The following ABCG2 variants were observed in gnomAD, a reference collection of about 807,000 sequenced individuals.
ABCG2 encodes broad substrate specificity ATP-binding cassette transporter ABCG2.
ABCG2 carries 80 observed loss-of-function variants against 73.5 expected under a neutral mutation model. The ratio of observed to expected loss-of-function variants is 1.09; its 90% CI spans 0.91 to 1.31. The LOEUF (loss-of-function observed/expected upper bound fraction) is 1.31, where lower values mean the gene tolerates loss of function less well. Ranked by LOEUF, ABCG2 falls within the 50% of genes most tolerant of loss-of-function variation. The probability of loss-of-function intolerance (pLI) is 0.00; values close to 1 mark genes in which losing one functional copy is unlikely to be tolerated. For synonymous variants in ABCG2, 269 were observed against 282.4 expected (o/e 0.95, Z 0.48); for missense variants, 796 against 786.2 (o/e 1.01, Z -0.15).
At chr4:88,208,594 G>A (rs952125739) in intron 1 of ABCG2, among the ~76,000 whole-genome samples, 2 of 152,206 alleles carry the variant, frequency 1.3e-5, no homozygotes, top group Non-Finnish European at 2.9e-5. Flanking sequence ...GGGACACTGT[G>A]AAGCAACTTC....
chr4:88,137,199 C>T (rs1725317301), intron 2 of ABCG2, among the ~76,000 whole-genome samples: 2 of 151,906 alleles, frequency 1.3e-5, no homozygotes, highest in Non-Finnish European at 2.9e-5. Flanking sequence ...AATACAAATC[C>T]CTGACTCTAT....
At chr4:88,113,005 G>A (rs1377295089) in intron 9 of ABCG2, among the ~76,000 whole-genome samples, 1 of 152,138 alleles carries the variant, frequency 6.6e-6, no homozygotes. Flanking sequence ...AGCTATTCAA[G>A]AGGCTGAGGT....
In ABCG2 at chr4:88,217,673, A is replaced by G. The variant is rs528562487; in HGVS notation, c.-20+13321T>C. On this transcript the variant is annotated intron_variant, in intron 1 of 15. Coordinates refer to the ABCG2 transcript ENST00000515655. ...TGAGACCCTGCCTCAAAAAAAAAAA[A>G]GAATGCATGGATGCATGGGACTAAA... Among the ~76,000 whole-genome samples the G allele has an allele frequency of 8.0e-4, 120 of 149,702 alleles. 4 individuals are homozygous for G. In the South Asian group the frequency reaches 0.023, roughly 29 times the overall value.
chr4:88,207,900 C>T (rs910704521), intron 1 of ABCG2, among the ~76,000 whole-genome samples: 1 of 152,068 alleles, frequency 6.6e-6, no homozygotes, highest in African/African-American at 2.4e-5. Context: ...TTTTTGTTGG[C>T]TGAAAAGTCT....
intron 1 of ABCG2, among the ~76,000 whole-genome samples, chr4:88,180,845 A>G (rs916500509): frequency 2.6e-5 from 4 of 152,182 alleles, no homozygotes; most frequent in African/African-American, 9.7e-5. Context: ...ACTGGTAATA[A>G]TAAGTACACA....
intron 1 of ABCG2, among the ~76,000 whole-genome samples, chr4:88,228,613 G>A (rs1012425546): frequency 6.6e-6 from 1 of 152,230 alleles, no homozygotes; most frequent in Non-Finnish European, 1.5e-5. Flanking sequence ...TCAAACAGAA[G>A]CGATTCCTGT....
intron 5 of ABCG2, among the ~76,000 whole-genome samples, chr4:88,124,009 C>A (rs1278789808): frequency 6.6e-6 from 1 of 152,136 alleles, no homozygotes; most frequent in African/African-American, 2.4e-5. Flanking sequence ...GACCAATATT[C>A]AAAATTCTTA....
intron 1 of ABCG2, among the ~76,000 whole-genome samples, chr4:88,174,156 T>C (rs1371413031): frequency 1.3e-5 from 2 of 152,098 alleles, no homozygotes; most frequent in Admixed American, 1.3e-4. Flanking sequence ...GTGTTTTTTT[T>C]TTTTCTTTTT....
At chr4:88,132,718 A>G in intron 2 of ABCG2, 83 bp from the exon 3 acceptor site, 3 of 1,399,012 alleles carry the variant, frequency 2.1e-6, no homozygotes, top group East Asian at 2.3e-5. Flanking sequence ...AATATACTCA[A>G]TGAAGGTTGA....
upstream of ABCG2, chr4:88,159,190 T>A (rs1296878501): frequency 1.3e-5 from 6 of 456,218 alleles, no homozygotes; most frequent in Non-Finnish European, 2.6e-5. Context: ...AGGCGCTCAT[T>A]GGGCTGATCA....
chr4:88,125,783 T>C (rs3109824), intron 5 of ABCG2, among the ~76,000 whole-genome samples: 1 of 151,750 alleles, frequency 6.6e-6, no homozygotes, highest in Non-Finnish European at 1.5e-5. Flanking sequence ...ACTAAAGCAG[T>C]GTTTAGAGGG....
At chr4:88,155,077 G>A (rs184839813) in intron 1 of ABCG2, among the ~76,000 whole-genome samples, 1 of 152,048 alleles carries the variant, frequency 6.6e-6, no homozygotes. Context: ...GAGCTAGGGT[G>A]GGGGGCAGTC....
At chr4:88,121,912 CA>C (rs1425163669) in intron 5 of ABCG2, 120 bp from the exon 6 acceptor site, 2 of 993,738 alleles carry the variant, frequency 2.0e-6, no homozygotes, top group Admixed American at 2.5e-5. Flanking sequence ...TTATTCTGAA[CA>C]GCAAATAAGT....
At chr4:88,121,543 T>G in intron 6 of ABCG2, 92 bp downstream of exon 6, 1 of 1,198,638 alleles carries the variant, frequency 8.3e-7, no homozygotes, top group Non-Finnish European at 1.1e-6. Flanking sequence ...AAGAAATTAC[T>G]TTGATCATTT....
At position 88,113,586 on chromosome 4, in the gene ABCG2, A is replaced by AC. The variant is rs777381164; in HGVS notation, c.944-34dup. On this transcript the variant is annotated intron_variant, in intron 8 of 15. Transcript: ENST00000237612. ...ATCAGTGGATAAAAAGGAAACACAA[A>AC]CAAGATAACAACAAATTTAGCCCAT... 6.3e-6 allele frequency: 10 copies of AC among 1,598,958 alleles called. No homozygotes were observed. The East Asian group carries it at 6.7e-5, about 11-fold the overall frequency.
At chr4:88,100,437 A>T (rs1040581745) in intron 11 of ABCG2, among the ~76,000 whole-genome samples, 1 of 151,222 alleles carries the variant, frequency 6.6e-6, no homozygotes, top group African/African-American at 2.4e-5. Flanking sequence ...CGGGAGGTAG[A>T]GATTGCAGTG....
At chr4:88,212,219 T>C (rs1013456230) in intron 1 of ABCG2, among the ~76,000 whole-genome samples, 1 of 152,174 alleles carries the variant, frequency 6.6e-6, no homozygotes, top group African/African-American at 2.4e-5. Context: ...TACCAAAAAA[T>C]ATGAACATCC....
intron 1 of ABCG2, among the ~76,000 whole-genome samples, chr4:88,212,056 C>G (rs1318136080): frequency 6.6e-6 from 1 of 152,152 alleles, no homozygotes; most frequent in East Asian, 1.9e-4. Context: ...ACATACCGCC[C>G]CCAAATAATT....
chr4:88,202,095 T>G (rs536950437), intron 1 of ABCG2, among the ~76,000 whole-genome samples: 1 of 151,860 alleles, frequency 6.6e-6, no homozygotes, highest in East Asian at 1.9e-4. Context: ...TGAATATCGG[T>G]GAAGTATCAT....
Sources: gnomAD v4.1 joint callset for allele counts (sites outside exome capture counted in the v4.1 genomes callset) on GRCh38, gnomAD v4.1.1 for gene constraint, MANE v1.5 for transcripts, NCBI Gene and HGNC (gene_info 2026-07-23, HGNC 2026-07-21) for gene names.